Variants in MPP7 observed in about 807,000 individuals in gnomAD.
The protein encoded by MPP7 is MAGUK p55 subfamily member 7.
MPP7 carries 60 observed loss-of-function variants against 76.5 expected under a neutral mutation model. That is an observed-to-expected ratio of 0.78 (90% CI 0.64 to 0.97). MPP7 has a LOEUF of 0.97. MPP7 is among the 50% of genes least tolerant of loss of function. MPP7 has a pLI of 0.00. For missense variants in MPP7, 641 were observed against 694.0 expected (o/e 0.92, Z 0.86); for synonymous variants, 237 against 244.5 (o/e 0.97, Z 0.29).
intron 11 of MPP7, among the ~76,000 whole-genome samples, chr10:28,106,164 T>C (rs1348650585): frequency 2.6e-5 from 4 of 152,196 alleles, no homozygotes; most frequent in Admixed American, 2.6e-4. Context: ...TGCCAAATTA[T>C]TTTATCTAAA....
intron 1 of MPP7, among the ~76,000 whole-genome samples, chr10:28,282,545 C>T (rs1434292923): frequency 6.6e-6 from 1 of 151,956 alleles, no homozygotes; most frequent in Non-Finnish European, 1.5e-5. Context: ...GCCACTCAGA[C>T]AGAAATGAGA....
intron 12 of MPP7, among the ~76,000 whole-genome samples, chr10:28,074,131 G>A (rs1852371903): frequency 6.6e-6 from 1 of 152,088 alleles, no homozygotes; most frequent in Non-Finnish European, 1.5e-5. Context: ...ATAAACATCT[G>A]CTGAATGAAC....
chr10:28,331,927 T>C (rs1589050909), intron 1 of MPP7, among the ~76,000 whole-genome samples: 1 of 152,166 alleles, frequency 6.6e-6, no homozygotes, highest in African/African-American at 2.4e-5. Context: ...TTCCTACAAT[T>C]CATCTCCTTG....
intron 3 of MPP7, among the ~76,000 whole-genome samples, chr10:28,181,520 T>A (rs1293382221): frequency 1.0e-5 from 1 of 98,090 alleles, no homozygotes; most frequent in Non-Finnish European, 2.7e-5. Flanking sequence ...AATAAATGAA[T>A]CCAATGAGAT....
chr10:28,111,348 C>A (rs1834500525), intron 11 of MPP7, among the ~76,000 whole-genome samples: 1 of 152,176 alleles, frequency 6.6e-6, no homozygotes, highest in Non-Finnish European at 1.5e-5. Flanking sequence ...GGCTGCACTG[C>A]AGCCTTGTTT....
At chr10:28,277,763 A>G (rs942559331) in intron 1 of MPP7, among the ~76,000 whole-genome samples, 5 of 152,114 alleles carry the variant, frequency 3.3e-5, no homozygotes, top group Non-Finnish European at 7.3e-5. Flanking sequence ...TAGTGATGAG[A>G]TTAGAATACA....
At chr10:28,143,259 G>T (rs928128088) in intron 5 of MPP7, among the ~76,000 whole-genome samples, 2 of 152,084 alleles carry the variant, frequency 1.3e-5, no homozygotes, top group African/African-American at 4.8e-5. Flanking sequence ...ATTCACAGAA[G>T]AAATAAAAAC....
intron 12 of MPP7, among the ~76,000 whole-genome samples, chr10:28,083,055 T>C (rs1852836949): frequency 6.6e-6 from 1 of 152,182 alleles, no homozygotes; most frequent in Non-Finnish European, 1.5e-5. Flanking sequence ...ATTTGAATTG[T>C]TCCCGTGTCA....
intron 3 of MPP7, among the ~76,000 whole-genome samples, chr10:28,171,265 A>G (rs1360986370): frequency 6.6e-6 from 1 of 152,256 alleles, no homozygotes; most frequent in East Asian, 1.9e-4. Context: ...ATTTTCTCAA[A>G]AAAGAAAACA....
chr10:28,157,286 T>C (rs994683651), intron 3 of MPP7, among the ~76,000 whole-genome samples: 1 of 149,436 alleles, frequency 6.7e-6, no homozygotes, highest in African/African-American at 2.6e-5. Flanking sequence ...GATACAGGGC[T>C]AGCTATCACT....
In MPP7 at chr10:28,125,008, AC is replaced by A. The variant is rs938860639; in HGVS notation, c.529+1del. 2 of 1,613,386 alleles carry A rather than the reference AC, an allele frequency of 1.2e-6. No homozygotes were observed. The highest frequency in any genetic ancestry group is 1.7e-6 in the Non-Finnish European group (2 of 1,179,366). ...GTACTTGGTTAACATTTAAAGTCTC[AC>A]CACTTCTATCTGCAGCTCCTCCTCT... On this transcript the variant is annotated splice_donor_variant, in intron 7 of 16. Coordinates refer to ENST00000683449, the MANE Select transcript of MPP7 (RefSeq NM_001318170.2). LOFTEE classifies it high-confidence loss of function.
intron 11 of MPP7, among the ~76,000 whole-genome samples, chr10:28,115,539 C>T (rs556954044): frequency 6.6e-6 from 1 of 152,130 alleles, no homozygotes; most frequent in African/African-American, 2.4e-5. Context: ...TCTGAATTAA[C>T]TTTATGTATG....
chr10:28,176,046 G>A (rs1836848510), intron 3 of MPP7, among the ~76,000 whole-genome samples: 1 of 152,122 alleles, frequency 6.6e-6, no homozygotes, highest in African/African-American at 2.4e-5. Context: ...CTTTAATTGG[G>A]AGTTTTAAAA....
At chr10:28,181,509 CAATA>C (rs35690883) in intron 3 of MPP7, among the ~76,000 whole-genome samples, 76,033 of 151,972 alleles carry the variant, frequency 0.5, 21,362 homozygotes, top group Middle Eastern at 0.72. Flanking sequence ...CATAATACTT[CAATA>C]AATGAATCCA....
chr10:28,305,247 G>A (rs1012724800), upstream of MPP7, among the ~76,000 whole-genome samples: 1 of 152,206 alleles, frequency 6.6e-6, no homozygotes, highest in African/African-American at 2.4e-5. Flanking sequence ...GTATCATGGT[G>A]CATAAGGAGA....
chr10:28,055,977 A>G (rs180981736), intron 16 of MPP7, among the ~76,000 whole-genome samples: 71 of 152,334 alleles, frequency 4.7e-4, no homozygotes, highest in African/African-American at 1.7e-3. Flanking sequence ...TGATTTTTGT[A>G]TCTATTATAC....
intron 3 of MPP7, among the ~76,000 whole-genome samples, chr10:28,196,822 T>C (rs1016648752): frequency 5.9e-5 from 9 of 152,202 alleles, no homozygotes; most frequent in Non-Finnish European, 1.2e-4. Context: ...GCCACCATCA[T>C]CTCTGACCTG....
chr10:28,089,076 T>C (rs574388423), intron 12 of MPP7, among the ~76,000 whole-genome samples: 2 of 152,132 alleles, frequency 1.3e-5, no homozygotes, highest in Middle Eastern at 6.8e-3. Context: ...GGCTTCAATG[T>C]AGAGATGGGG....
Position 28,184,684 on chromosome 10 carries a change from G to C in MPP7, c.156+17469C>G, listed in dbSNP as rs192441682. Among the ~76,000 whole-genome samples, 357 of 148,472 alleles carry C rather than the reference G, an allele frequency of 2.4e-3. 2 individuals are homozygous for C. Among genetic ancestry groups the C allele is most frequent in the Non-Finnish European group, 4.4e-3 (295 of 67,350 alleles). On this transcript the variant is annotated intron_variant, in intron 3 of 16. Coordinates refer to ENST00000683449, the MANE Select transcript of MPP7 (RefSeq NM_001318170.2). ...GATCATGCCACTGCACTCCAGCCTG[G>C]GTGATAGAGTGAGACTCTGTCTCCA...
Sources: allele counts gnomAD v4.1 joint callset (sites outside exome capture counted in the v4.1 genomes callset), GRCh38; gene constraint gnomAD v4.1.1; transcripts MANE v1.5; gene names NCBI Gene and HGNC (gene_info 2026-07-23, HGNC 2026-07-21).